The following ELAVL4 variants were observed in gnomAD, a reference collection of about 807,000 sequenced individuals.
ELAVL4 encodes ELAV-like protein 4.
Under a neutral mutation model 35.6 loss-of-function variants are expected in ELAVL4, and 1 was observed. The observed-to-expected ratio is 0.03, with a 90% CI of 0.01 to 0.13. The LOEUF (loss-of-function observed/expected upper bound fraction) is 0.13. Among genes scored for constraint, ELAVL4 ranks in the 10% least tolerant of loss-of-function variants. The pLI is 1.00. For synonymous variants in ELAVL4, 156 were observed against 171.0 expected, an observed-to-expected ratio of 0.91 and a Z score of 0.69; for missense variants, 267 against 464.9, an observed-to-expected ratio of 0.57 and a Z score of 3.91.
At chr1:50,055,444 C>T (rs146944655) in intron 1 of ELAVL4, among the ~76,000 whole-genome samples, 372 of 152,030 alleles carry the variant, frequency 2.4e-3, no homozygotes, top group African/African-American at 8.5e-3. Context: ...GGACTACAGG[C>T]GCCCGCCACC....
intron 4 of ELAVL4, 58 bp downstream of exon 4, chr1:50,193,976 T>C (rs1683063732): frequency 1.3e-6 from 2 of 1,587,262 alleles, no homozygotes; most frequent in Admixed American, 3.4e-5. Flanking sequence ...GCCCTGTTAC[T>C]CATAAGAGCA....
chr1:50,116,343 T>C (rs1309395809), intron 1 of ELAVL4, among the ~76,000 whole-genome samples: 3 of 152,028 alleles, frequency 2.0e-5, no homozygotes, highest in Non-Finnish European at 4.4e-5. Context: ...ATTGGAAGTT[T>C]GCTAGTGGAG....
At chr1:50,115,294 G>A (rs180900592) in intron 1 of ELAVL4, 100 of 152,200 alleles carry the variant, frequency 6.6e-4, no homozygotes, top group Middle Eastern at 3.4e-3. Flanking sequence ...ATAAATTTTG[G>A]TTGAGAAAGC....
chr1:50,171,501 TA>T (rs1679000600), intron 2 of ELAVL4, among the ~76,000 whole-genome samples: 1 of 152,202 alleles, frequency 6.6e-6, no homozygotes, highest in Non-Finnish European at 1.5e-5. Flanking sequence ...CACACAGAAT[TA>T]AATGAGGTAA....
chr1:50,109,539 A>G (rs1666703751), intron 1 of ELAVL4: 2 of 339,322 alleles, frequency 5.9e-6, no homozygotes, highest in Non-Finnish European at 1.1e-5. Context: ...TGTAAGGGAG[A>G]GGGGGTTTGT....
At chr1:50,163,637 C>A (rs535290336) in intron 2 of ELAVL4, among the ~76,000 whole-genome samples, 1 of 152,048 alleles carries the variant, frequency 6.6e-6, no homozygotes. Context: ...ACCAGCCTGG[C>A]CAACATTGCA....
intron 2 of ELAVL4, among the ~76,000 whole-genome samples, chr1:50,167,525 C>T (rs1218246120): frequency 6.6e-6 from 1 of 152,134 alleles, no homozygotes; most frequent in Non-Finnish European, 1.5e-5. Flanking sequence ...ACCAGGTAGC[C>T]GGCTAATCAC....
chr1:50,068,108 A>G (rs1248961904), intron 1 of ELAVL4, among the ~76,000 whole-genome samples: 1 of 152,172 alleles, frequency 6.6e-6, no homozygotes, highest in Non-Finnish European at 1.5e-5. Context: ...AAAATAATGC[A>G]GTTTCAGATC....
intron 3 of ELAVL4, among the ~76,000 whole-genome samples, chr1:50,190,121 G>T (rs764175776): frequency 1.4e-4 from 21 of 152,208 alleles, no homozygotes; most frequent in African/African-American, 4.6e-4. Context: ...CCAGAAGGAG[G>T]TCAGTGCTGG....
rs554006523 is a variant in ELAVL4 at position 50,067,763 on chromosome 1, T to C, written c.18+19581T>C. Among the ~76,000 whole-genome samples the C allele has an allele frequency of 2.6e-5, 4 of 152,300 alleles. No individual in the cohort carries two copies. In the East Asian group the frequency reaches 7.7e-4, roughly 29 times the overall value. Reference sequence around the variant, plus strand: ...TGGGTAATTTATAAAGAAAGAGGTTTAATTGACTCACAGTTCCACATGGCT... The same window carrying C: ...TGGGTAATTTATAAAGAAAGAGGTTCAATTGACTCACAGTTCCACATGGCT... On this transcript the variant is annotated intron_variant, in intron 1 of 6. Transcript: ENST00000448907.
In ELAVL4 at chr1:50,145,142, C is replaced by T; in HGVS notation, c.195C>T (p.Leu65=). Residue 65 remains leucine, a synonymous_variant, in exon 2 of 7, where the codon CTC becomes CTT. Coordinates refer to ENST00000371824, the MANE Select transcript of ELAVL4 (RefSeq NM_001144774.3). The part of the protein sequence containing the change: ...QNMTQEEFRS[L]FGSIGEIESC... ...TGACCCAAGAAGAATTCAGGAGTCT[C>T]TTCGGGAGCATTGGTGAAATAGAAT... is the stretch of plus-strand genomic sequence containing the variant. The T allele has an allele frequency of 1.2e-6, 2 of 1,614,014 alleles. No homozygotes were observed. Among genetic ancestry groups the T allele is most frequent in the Non-Finnish European group, 1.7e-6 (2 of 1,179,928 alleles).
At chr1:50,141,292 A>G (rs1342952399) in intron 1 of ELAVL4, among the ~76,000 whole-genome samples, 1 of 152,218 alleles carries the variant, frequency 6.6e-6, no homozygotes, top group East Asian at 1.9e-4. Flanking sequence ...GGGGAGCTGA[A>G]AGAAGGGTAA....
At chr1:50,133,643 G>GAAAGAA (rs1671369391) in intron 1 of ELAVL4, among the ~76,000 whole-genome samples, 1 of 148,408 alleles carries the variant, frequency 6.7e-6, no homozygotes, top group African/African-American at 2.5e-5. Context: ...AAGAAAGAAA[G>GAAAGAA]AAAGAAAGAG....
rs118169503 is a variant in ELAVL4, at chr1:50,186,919, A to G, written c.355-6846A>G. Reference sequence around the variant, plus strand: ...TAAGCAGATGCCTGTCCTGCCTGTGAACAGGCCTACAGCCACAGGCACAGA... The same window carrying G: ...TAAGCAGATGCCTGTCCTGCCTGTGGACAGGCCTACAGCCACAGGCACAGA... On this transcript the variant is annotated intron_variant, in intron 3 of 6. Transcript: ENST00000371824. Among the ~76,000 whole-genome samples, 286 of 152,328 alleles carry G rather than the reference A, an allele frequency of 1.9e-3. 9 individuals are homozygous for G. In the East Asian group the frequency reaches 0.05, roughly 27 times the overall value.
At chr1:50,121,690 A>G (rs925562645) in intron 1 of ELAVL4, among the ~76,000 whole-genome samples, 4 of 152,112 alleles carry the variant, frequency 2.6e-5, no homozygotes, top group Non-Finnish European at 5.9e-5. Context: ...GAACTATGCA[A>G]TGCAAGATCT....
chr1:50,161,057 C>G (rs1676718337), intron 2 of ELAVL4, among the ~76,000 whole-genome samples: 2 of 152,204 alleles, frequency 1.3e-5, no homozygotes, highest in African/African-American at 4.8e-5. Flanking sequence ...ATCTCTTCCT[C>G]TTTTGTTGCT....
At position 50,151,539 on chromosome 1, in the gene ELAVL4, T is replaced by G. The variant is rs74436385; in HGVS notation, c.250+6342T>G. Among the ~76,000 whole-genome samples, 297 of 152,280 alleles carry G rather than the reference T, an allele frequency of 2.0e-3. 3 individuals are homozygous for G. Among genetic ancestry groups the G allele is most frequent in the African/African-American group, 6.8e-3 (282 of 41,562 alleles). On this transcript the variant is annotated intron_variant, in intron 2 of 6. Coordinates refer to ENST00000371824, the MANE Select transcript of ELAVL4 (RefSeq NM_001144774.3). ...ATTTAAGCATAATAAAAACCCAGCC[T>G]CATTTAGGCATATCCAAGAAAATCC...
chr1:50,074,989 A>G (rs920206413), intron 1 of ELAVL4, among the ~76,000 whole-genome samples: 1 of 152,220 alleles, frequency 6.6e-6, no homozygotes, highest in Non-Finnish European at 1.5e-5. Context: ...TACAAATTAT[A>G]GTAAGTTCTA....
chr1:50,170,143 A>G (rs1208622855), intron 2 of ELAVL4, among the ~76,000 whole-genome samples: 1 of 152,248 alleles, frequency 6.6e-6, no homozygotes, highest in Non-Finnish European at 1.5e-5. Flanking sequence ...CATAGACCAC[A>G]GTGTCAGACA....
Sources: gnomAD v4.1 joint callset for allele counts (sites outside exome capture counted in the v4.1 genomes callset) on GRCh38, gnomAD v4.1.1 for gene constraint, MANE v1.5 for transcripts, NCBI Gene and HGNC (gene_info 2026-07-23, HGNC 2026-07-21) for gene names.